Variants in ADAM22 observed in about 807,000 individuals in gnomAD.
ADAM22 encodes the protein disintegrin and metalloproteinase domain-containing protein 22.
A neutral mutation model predicts 144.6 loss-of-function variants in ADAM22; 65 were observed. That is an observed-to-expected ratio of 0.45 (90% CI 0.37 to 0.55). The LOEUF is 0.55. ADAM22 is among the 20% of genes least tolerant of loss of function. ADAM22 has a pLI of 0.00. For synonymous variants in ADAM22, 391 were observed against 412.6 expected, an observed-to-expected ratio of 0.95 and a Z score of 0.63; for missense variants, 974 against 1,184.9, an observed-to-expected ratio of 0.82 and a Z score of 2.61.
intron 3 of ADAM22, among the ~76,000 whole-genome samples, chr7:88,061,813 C>G (rs1809949877): frequency 6.6e-6 from 1 of 150,620 alleles, no homozygotes; most frequent in East Asian, 1.9e-4. Context: ...AAAGAGTCAG[C>G]CTTCTCTTTC....
chr7:88,151,075 A>C lies in ADAM22; in HGVS notation c.1617+44A>C, dbSNP rs201424392. ...ACCTATGTTTTTCACATGTACCAGC[A>C]TGAAAGGAATACTGAAATCTTATCA... is the stretch of plus-strand genomic sequence containing the variant. On this transcript the variant is annotated intron_variant, in intron 19 of 31. Transcript: ENST00000413139. 109 of 1,581,648 alleles carry C rather than the reference A, an allele frequency of 6.9e-5. 2 individuals carry two copies. Among genetic ancestry groups the C allele is most frequent in the Middle Eastern group, 6.7e-4 (4 of 5,984 alleles).
At chr7:88,146,497 G>C (rs1278062080) in intron 17 of ADAM22, among the ~76,000 whole-genome samples, 1 of 152,152 alleles carries the variant, frequency 6.6e-6, no homozygotes, top group Non-Finnish European at 1.5e-5. Flanking sequence ...GGTATGTCTT[G>C]TGCATTGTAG....
intron 5 of ADAM22, among the ~76,000 whole-genome samples, chr7:88,113,686 T>TA (rs1563244952): frequency 4.5e-5 from 3 of 66,382 alleles, no homozygotes; most frequent in African/African-American, 7.2e-5. Context: ...AATATATATA[T>TA]TATAAATAAA....
chr7:88,156,085 A>G, intron 22 of ADAM22, 79 bp downstream of exon 22: 8 of 1,512,890 alleles, frequency 5.3e-6, no homozygotes, highest in Middle Eastern at 1.7e-4. Context: ...TCCGTTTTCA[A>G]TTAATGTACA....
chr7:88,010,996 T>G (rs1019587118), intron 3 of ADAM22, among the ~76,000 whole-genome samples: 2 of 152,246 alleles, frequency 1.3e-5, no homozygotes, highest in African/African-American at 4.8e-5. Context: ...TTTTAAAGTA[T>G]GTGATGGCAT....
rs1025452857 is a variant in ADAM22 at position 88,042,653 on chromosome 7, G to GA, written c.324-32965dup. ...TGACTTAGCATTTCTCTTCATTTAG[G>GA]AAAAAAAATAGATTTGTGGCTCAGT... On this transcript the variant is annotated intron_variant, in intron 3 of 31. Coordinates refer to ENST00000413139, the MANE Select transcript of ADAM22 (RefSeq NM_001324418.2). 2.1e-4 allele frequency among the ~76,000 whole-genome samples: 31 copies of GA among 151,098 alleles called. 1 individual carries two copies. The highest frequency in any genetic ancestry group is 1.2e-3 in the Admixed American group (18 of 15,164).
chr7:87,956,930 C>A (rs1052978344), intron 2 of ADAM22, among the ~76,000 whole-genome samples: 1 of 152,126 alleles, frequency 6.6e-6, no homozygotes, highest in Non-Finnish European at 1.5e-5. Context: ...ATGAAAGTAT[C>A]GTAAAAATTA....
At chr7:87,997,623 G>A (rs898558816) in intron 3 of ADAM22, among the ~76,000 whole-genome samples, 7 of 152,218 alleles carry the variant, frequency 4.6e-5, no homozygotes, top group Non-Finnish European at 7.3e-5. Context: ...TGTTGCAGGC[G>A]CTGCCTGCAT....
chr7:88,008,132 A>G (rs1325437473), intron 3 of ADAM22, among the ~76,000 whole-genome samples: 1 of 152,022 alleles, frequency 6.6e-6, no homozygotes, highest in Admixed American at 6.6e-5. Flanking sequence ...TTATGCAGCC[A>G]AAAAACACAT....
At chr7:88,044,822 T>C (rs1306739569) in intron 3 of ADAM22, among the ~76,000 whole-genome samples, 1 of 151,956 alleles carries the variant, frequency 6.6e-6, no homozygotes, top group Non-Finnish European at 1.5e-5. Flanking sequence ...GCCTCCTGGG[T>C]TCAAGTGATT....
intron 3 of ADAM22, among the ~76,000 whole-genome samples, chr7:88,061,597 T>C (rs1029736622): frequency 6.6e-6 from 1 of 152,054 alleles, no homozygotes; most frequent in South Asian, 2.1e-4. Flanking sequence ...GAAAGAAATA[T>C]TTTTTTCCTG....
At chr7:88,086,144 C>G (rs574875042) in intron 4 of ADAM22, among the ~76,000 whole-genome samples, 1 of 152,174 alleles carries the variant, frequency 6.6e-6, no homozygotes, top group Admixed American at 6.6e-5. Flanking sequence ...CCACTGCACT[C>G]CAGCCTGGGC....
chr7:87,941,295 A>G (rs1842426249), intron 2 of ADAM22, among the ~76,000 whole-genome samples: 1 of 152,210 alleles, frequency 6.6e-6, no homozygotes, highest in Non-Finnish European at 1.5e-5. Flanking sequence ...AAATGGCAGC[A>G]AGATGGCAAG....
chr7:88,060,476 A>G (rs762818715), intron 3 of ADAM22, among the ~76,000 whole-genome samples: 3 of 152,204 alleles, frequency 2.0e-5, no homozygotes, highest in Non-Finnish European at 4.4e-5. Context: ...TGCCTTAAAA[A>G]TACACTGTTT....
intron 3 of ADAM22, among the ~76,000 whole-genome samples, chr7:88,027,023 G>T (rs999410973): frequency 6.6e-6 from 1 of 152,180 alleles, no homozygotes; most frequent in Non-Finnish European, 1.5e-5. Flanking sequence ...TTAATATGAT[G>T]CATCACATTG....
chr7:87,946,070 A>G (rs368400679), intron 2 of ADAM22, among the ~76,000 whole-genome samples: 51 of 152,124 alleles, frequency 3.4e-4, no homozygotes, highest in Admixed American at 1.1e-3. Context: ...AATAATAGCC[A>G]TTCTGACTGA....
chr7:88,059,895 A>C (rs1281602443), intron 3 of ADAM22, among the ~76,000 whole-genome samples: 4 of 152,146 alleles, frequency 2.6e-5, no homozygotes, highest in African/African-American at 7.2e-5. Flanking sequence ...ACAAACGTTG[A>C]AAAACTACTT....
chr7:88,065,401 G>T (rs1374557180), intron 3 of ADAM22, among the ~76,000 whole-genome samples: 1 of 151,548 alleles, frequency 6.6e-6, no homozygotes, highest in African/African-American at 2.4e-5. Flanking sequence ...GAATAACATT[G>T]GGTGATGCTT....
intron 2 of ADAM22, among the ~76,000 whole-genome samples, chr7:87,959,439 A>G (rs1847555620): frequency 6.6e-6 from 1 of 152,182 alleles, no homozygotes; most frequent in African/African-American, 2.4e-5. Context: ...TCATATATGC[A>G]AATCGCTGGA....
Sources: gnomAD v4.1 joint callset for allele counts (sites outside exome capture counted in the v4.1 genomes callset) on GRCh38, gnomAD v4.1.1 for gene constraint, MANE v1.5 for transcripts, NCBI Gene and HGNC (gene_info 2026-07-23, HGNC 2026-07-21) for gene names.